DOCK10: variants seen among roughly 807,000 people sequenced by gnomAD.
DOCK10 encodes dedicator of cytokinesis 10, also known as dedicator of cytokinesis protein 10.
A neutral mutation model predicts 280.1 loss-of-function variants in DOCK10; 145 were observed. That is an observed-to-expected ratio of 0.52 (90% CI 0.45 to 0.59). The LOEUF is 0.59. DOCK10 is among the 20% of genes least tolerant of loss of function. DOCK10 has a pLI of 0.00. For synonymous variants in DOCK10, 915 were observed against 942.2 expected (o/e 0.97, Z 0.53); for missense variants, 2,368 against 2,651.7 (o/e 0.89, Z 2.35).
chr2:224,862,472 C>T, intron 14 of DOCK10, 192 bp downstream of exon 14: 1 of 553,616 alleles, frequency 1.8e-6, no homozygotes, highest in South Asian at 2.3e-5. Flanking sequence ...CTATTATAAA[C>T]TGTATTGCTA....
intron 52 of DOCK10, among the ~76,000 whole-genome samples, chr2:224,774,641 C>T (rs1317624545): frequency 2.0e-5 from 3 of 152,218 alleles, no homozygotes; most frequent in Non-Finnish European, 4.4e-5. Context: ...TTTCCCAAGG[C>T]ACTGACCCCA....
rs201139511 is a variant in DOCK10, at chr2:224,931,615, T to C, written c.177A>G (p.Glu59=). Residue 59 remains glutamate, a synonymous_variant, in exon 2 of 56, where the codon GAA becomes GAG. Transcript: ENST00000258390. ...GATCATTCCGGTAGGTCTTTTCAAGTTCTTCAATGACAGTCTCATAATCCA... is the reference window on the plus strand; with the variant it reads ...GATCATTCCGGTAGGTCTTTTCAAGCTCTTCAATGACAGTCTCATAATCCA... The part of the protein sequence containing the change: ...EPLDYETVIE[E]LEKTYRNDPL... The C allele has an allele frequency of 2.0e-5, 33 of 1,611,828 alleles. No homozygotes were observed. Among genetic ancestry groups the C allele is most frequent in the Admixed American group, 3.3e-5 (2 of 59,722 alleles).
intron 25 of DOCK10, 117 bp downstream of exon 25, chr2:224,837,645 A>T: frequency 1.3e-6 from 1 of 765,516 alleles, no homozygotes; most frequent in Non-Finnish European, 2.3e-6. Context: ...TCCTGATATT[A>T]CTGTGGTGGG....
At chr2:224,953,792 A>G (rs181056636) in intron 1 of DOCK10, among the ~76,000 whole-genome samples, 1 of 152,348 alleles carries the variant, frequency 6.6e-6, no homozygotes, top group Admixed American at 6.5e-5. Context: ...CTTTGTGCCA[A>G]TCTAATCGTA....
At chr2:224,775,413 TA>T (rs1690773812) in intron 51 of DOCK10, among the ~76,000 whole-genome samples, 1 of 152,210 alleles carries the variant, frequency 6.6e-6, no homozygotes, top group South Asian at 2.1e-4. Flanking sequence ...CTCTTCTCTG[TA>T]ATGAATGTTC....
At position 224,800,134 on chromosome 2, in the gene DOCK10, G is replaced by A. The variant is rs1346174051; in HGVS notation, c.4506+17C>T. Reference sequence around the variant, plus strand: ...TATTTCATCATTTTTTGCAGAAAATGTTATCATCATATTCACCTGATGAGT... The same window carrying A: ...TATTTCATCATTTTTTGCAGAAAATATTATCATCATATTCACCTGATGAGT... On this transcript the variant is annotated intron_variant, in intron 41 of 55. Coordinates refer to ENST00000258390, the MANE Select transcript of DOCK10 (RefSeq NM_014689.3). 4.1e-6 allele frequency: 6 copies of A among 1,457,654 alleles called. No individual in the cohort carries two copies. Among genetic ancestry groups the A allele is most frequent in the Non-Finnish European group, 5.7e-6 (6 of 1,056,684 alleles). 90.3% of individuals were successfully genotyped at this position (1,457,654 alleles called of 1,614,324 possible). A position where few individuals can be genotyped will look rare whatever the true frequency, so the allele number is the denominator to read the frequency against.
At chr2:225,024,394 C>T (rs1442640752) in intron 1 of DOCK10, among the ~76,000 whole-genome samples, 5 of 152,038 alleles carry the variant, frequency 3.3e-5, no homozygotes, top group African/African-American at 4.8e-5. Flanking sequence ...AATTTATTCA[C>T]AGATGTTTAA....
chr2:224,940,728 T>A (rs992724708), intron 1 of DOCK10, among the ~76,000 whole-genome samples: 1 of 152,094 alleles, frequency 6.6e-6, no homozygotes, highest in African/African-American at 2.4e-5. Context: ...AAAAAATGAG[T>A]TTAAGACCCC....
At chr2:224,845,180 T>A (rs967356862) in intron 21 of DOCK10, 23 bp downstream of exon 21, 2 of 1,555,862 alleles carry the variant, frequency 1.3e-6, no homozygotes. Context: ...TTTTAAAATC[T>A]TAAATTACAC....
chr2:224,998,533 C>A (rs1474867343), intron 1 of DOCK10, among the ~76,000 whole-genome samples: 1 of 151,648 alleles, frequency 6.6e-6, no homozygotes, highest in Admixed American at 6.6e-5. Flanking sequence ...ATCAATCATT[C>A]CTCTCCCCTC....
intron 19 of DOCK10, among the ~76,000 whole-genome samples, chr2:224,848,590 A>T (rs907781195): frequency 6.6e-6 from 1 of 152,130 alleles, no homozygotes; most frequent in East Asian, 1.9e-4. Context: ...TCATCCATCA[A>T]ATAGGGAGGT....
At chr2:224,798,751 C>T (rs1692763704) in intron 41 of DOCK10, among the ~76,000 whole-genome samples, 1 of 151,976 alleles carries the variant, frequency 6.6e-6, no homozygotes, top group Admixed American at 6.6e-5. Context: ...CCCACCTCAG[C>T]CTTCCGAATA....
intron 1 of DOCK10, among the ~76,000 whole-genome samples, chr2:225,036,388 A>G (rs1411169004): frequency 1.3e-5 from 2 of 152,196 alleles, no homozygotes; most frequent in Non-Finnish European, 2.9e-5. Context: ...AAAACTTTCA[A>G]ATAGTTGCAG....
chr2:224,898,669 C>T (rs1326781868), intron 3 of DOCK10, among the ~76,000 whole-genome samples: 4 of 152,300 alleles, frequency 2.6e-5, no homozygotes, highest in Admixed American at 1.3e-4. Flanking sequence ...CTCCTCCTGC[C>T]GGGTTCACAC....
intron 1 of DOCK10, among the ~76,000 whole-genome samples, chr2:225,017,681 T>A (rs2106089156): frequency 1.6e-5 from 2 of 125,024 alleles, no homozygotes; most frequent in Admixed American, 8.7e-5. Context: ...AAGAAGCCAA[T>A]AACTGAAGAT....
At chr2:224,810,947 G>A (rs746639959) in intron 31 of DOCK10, among the ~76,000 whole-genome samples, 312 of 152,132 alleles carry the variant, frequency 2.1e-3, no homozygotes, top group Non-Finnish European at 2.8e-3. Flanking sequence ...ATAAACATAC[G>A]TGTGCATGTG....
chr2:224,986,143 G>A (rs1316426882), intron 1 of DOCK10, among the ~76,000 whole-genome samples: 2 of 152,196 alleles, frequency 1.3e-5, no homozygotes, highest in Admixed American at 6.5e-5. Context: ...CTTGGATGGG[G>A]AGAGGTTTTC....
At chr2:224,824,073 T>C (rs1183487321) in intron 27 of DOCK10, among the ~76,000 whole-genome samples, 1 of 152,166 alleles carries the variant, frequency 6.6e-6, no homozygotes. Context: ...CATTTAAAAA[T>C]AAATTATTTT....
At chr2:224,913,718 GTTTATTTA>G (rs113890271) in intron 3 of DOCK10, among the ~76,000 whole-genome samples, 54 of 150,450 alleles carry the variant, frequency 3.6e-4, no homozygotes, top group African/African-American at 1.2e-3. Context: ...TTGTTTGTCT[GTTTATTTA>G]TTTATTTATT....
Sources: allele counts gnomAD v4.1 joint callset (sites outside exome capture counted in the v4.1 genomes callset), GRCh38; gene constraint gnomAD v4.1.1; transcripts MANE v1.5; gene names NCBI Gene and HGNC (gene_info 2026-07-23, HGNC 2026-07-21).